The following NTRK2 variants were observed in gnomAD, a reference collection of about 807,000 sequenced individuals.
The protein encoded by NTRK2 is BDNF/NT-3 growth factors receptor.
Under a neutral mutation model 94.5 loss-of-function variants are expected in NTRK2, and 13 were observed. That is an observed-to-expected ratio of 0.14 (90% CI 0.09 to 0.22). NTRK2 has a LOEUF of 0.22. NTRK2 is among the 10% of genes least tolerant of loss of function. The pLI, the probability that NTRK2 is intolerant of heterozygous loss-of-function variation, is 1.00. For synonymous variants in NTRK2, 372 were observed against 407.4 expected (o/e 0.91, Z 1.05); for missense variants, 639 against 1,071.2 (o/e 0.60, Z 5.63).
intron 16 of NTRK2, among the ~76,000 whole-genome samples, chr9:84,954,944 G>T (rs2132965460): frequency 6.6e-6 from 1 of 152,326 alleles, no homozygotes; most frequent in Middle Eastern, 3.4e-3. Context: ...GGGTCAGGGG[G>T]CCCTGGTAAG....
chr9:84,836,590 T>A (rs2073884278), intron 12 of NTRK2, among the ~76,000 whole-genome samples: 1 of 148,070 alleles, frequency 6.8e-6, no homozygotes, highest in Admixed American at 6.9e-5. Flanking sequence ...TTTTCTAGCA[T>A]AATCTAATAT....
chr9:84,858,352 G>GT (rs1252006880), intron 12 of NTRK2, among the ~76,000 whole-genome samples: 8 of 151,500 alleles, frequency 5.3e-5, no homozygotes, highest in Non-Finnish European at 8.8e-5. Flanking sequence ...TTTGTTTGTT[G>GT]TTTTTTTGCC....
chr9:84,923,514 T>C (rs1224335887), intron 14 of NTRK2, among the ~76,000 whole-genome samples: 2 of 152,224 alleles, frequency 1.3e-5, no homozygotes, highest in African/African-American at 2.4e-5. Flanking sequence ...ACCACTGGTG[T>C]GATTTTTTAA....
At chr9:84,924,176 C>T (rs1032883342) in intron 14 of NTRK2, among the ~76,000 whole-genome samples, 2 of 149,544 alleles carry the variant, frequency 1.3e-5, no homozygotes, top group Non-Finnish European at 2.9e-5. Context: ...CATGCCACTG[C>T]ACTGCACTCC....
chr9:84,873,975 CACATATCAG>C, intron 14 of NTRK2: 2 of 1,063,252 alleles, frequency 1.9e-6, no homozygotes, highest in Non-Finnish European at 2.3e-6. Flanking sequence ...CTGCATCCTG[CACATATCAG>C]ACATTTCAGT....
chr9:84,946,319 G>A (rs1354502340), intron 15 of NTRK2, among the ~76,000 whole-genome samples: 1 of 152,194 alleles, frequency 6.6e-6, no homozygotes, highest in Non-Finnish European at 1.5e-5. Flanking sequence ...GACCTCTCTT[G>A]CTGTCAGTGT....
At chr9:84,676,864 C>G (rs1287275915) in intron 2 of NTRK2, among the ~76,000 whole-genome samples, 2 of 152,050 alleles carry the variant, frequency 1.3e-5, no homozygotes, top group African/African-American at 4.8e-5. Context: ...TGTGAGAGAC[C>G]AAGTAATTGA....
At chr9:84,714,821 T>C (rs1047103049) in intron 6 of NTRK2, among the ~76,000 whole-genome samples, 1 of 152,058 alleles carries the variant, frequency 6.6e-6, no homozygotes, top group African/African-American at 2.4e-5. Context: ...TTTCCACACT[T>C]TTTTTGGGGG....
At chr9:84,678,825 A>T (rs766705005) in intron 2 of NTRK2, among the ~76,000 whole-genome samples, 5 of 152,222 alleles carry the variant, frequency 3.3e-5, no homozygotes, top group Non-Finnish European at 7.3e-5. Flanking sequence ...TGCTGCTACC[A>T]CCCAAACTCA....
Position 84,706,520 on chromosome 9 carries a change from TG to T in NTRK2, c.360-1323del, listed in dbSNP as rs1168337993. Reference sequence around the variant, plus strand: ...CTCAGATCTCATGTGTGTTATTTTTTGTTTTTGTTTTTTTTTTTTTTTTTTT... The same window carrying T: ...CTCAGATCTCATGTGTGTTATTTTTTTTTTTGTTTTTTTTTTTTTTTTTTT... On this transcript the variant is annotated intron_variant, in intron 4 of 18. Coordinates refer to ENST00000277120, the MANE Select transcript of NTRK2 (RefSeq NM_006180.6). Among the ~76,000 whole-genome samples, 237 of 109,372 alleles carry T rather than the reference TG, an allele frequency of 2.2e-3. 3 individuals carry two copies. Among genetic ancestry groups the T allele is most frequent in the African/African-American group, 7.5e-3 (207 of 27,596 alleles). The allele number at this position is 109,372 out of a possible 152,430, so 71.8% of individuals were successfully genotyped here.
intron 12 of NTRK2, among the ~76,000 whole-genome samples, chr9:84,782,229 G>C (rs2067659360): frequency 6.6e-6 from 1 of 152,164 alleles, no homozygotes; most frequent in African/African-American, 2.4e-5. Context: ...ATGTGAGCTT[G>C]CCAGGACTCA....
At chr9:84,912,252 A>G (rs1485571715) in intron 14 of NTRK2, among the ~76,000 whole-genome samples, 1 of 152,166 alleles carries the variant, frequency 6.6e-6, no homozygotes, top group Non-Finnish European at 1.5e-5. Flanking sequence ...AGAAATGTCC[A>G]TTAGACCTTT....
At chr9:84,714,597 A>G (rs977168357) in intron 6 of NTRK2, among the ~76,000 whole-genome samples, 17 of 152,166 alleles carry the variant, frequency 1.1e-4, no homozygotes, top group Non-Finnish European at 2.2e-4. Flanking sequence ...AGAAGTTATA[A>G]TCTAGACAGA....
intron 17 of NTRK2, among the ~76,000 whole-genome samples, chr9:84,974,647 G>A (rs1036332423): frequency 4.6e-5 from 7 of 152,206 alleles, no homozygotes; most frequent in Non-Finnish European, 8.8e-5. Flanking sequence ...AGAATGGGCT[G>A]TTCTCCAGTT....
chr9:84,824,493 A>T (rs1587526361), intron 12 of NTRK2, among the ~76,000 whole-genome samples: 1 of 152,318 alleles, frequency 6.6e-6, no homozygotes, highest in South Asian at 2.1e-4. Context: ...TCCTCTAGTA[A>T]TGCATGGAGA....
intron 15 of NTRK2, among the ~76,000 whole-genome samples, chr9:84,945,001 T>G (rs75184491): frequency 5.5e-4 from 83 of 152,284 alleles, no homozygotes; most frequent in African/African-American, 2.0e-3. Flanking sequence ...TGAACCTGCT[T>G]CTTCTGATGC....
chr9:84,773,585 C>G (rs754697481), intron 12 of NTRK2, among the ~76,000 whole-genome samples: 2 of 152,160 alleles, frequency 1.3e-5, no homozygotes, highest in Non-Finnish European at 2.9e-5. Context: ...CTCTCTCTCT[C>G]TCTCAAAGGC....
At position 85,022,024 on chromosome 9, in the gene NTRK2, G is replaced by GAC. The variant is rs1832810143; in HGVS notation, c.*587_*588insAC. ...TTGTTTTTGGATGGCTTAAGCCTGT[G>GAC]TATAAAAAAGAAAACTTGTGTTCAA... On this transcript the variant is annotated 3_prime_UTR_variant, in exon 19 of 19. Transcript: ENST00000277120. The GAC allele has an allele frequency of 4.3e-6, 1 of 234,092 alleles. No individual in the cohort carries two copies. Among genetic ancestry groups the GAC allele is most frequent in the African/African-American group, 2.2e-5 (1 of 45,342 alleles). 14.5% of individuals were successfully genotyped at this position (234,092 alleles called of 1,614,324 possible). A position where few individuals can be genotyped will look rare whatever the true frequency, so the allele number is the denominator to read the frequency against.
chr9:84,877,926 C>T, intron 14 of NTRK2: 1 of 1,015,886 alleles, frequency 9.8e-7, no homozygotes, highest in South Asian at 4.6e-5. Flanking sequence ...ACTTTCGTCA[C>T]CTGCTAATAC....
Sources: gnomAD v4.1 joint callset for allele counts (sites outside exome capture counted in the v4.1 genomes callset) on GRCh38, gnomAD v4.1.1 for gene constraint, MANE v1.5 for transcripts, NCBI Gene and HGNC (gene_info 2026-07-23, HGNC 2026-07-21) for gene names.